Variants in TCF4 observed in about 807,000 individuals in gnomAD.
The protein encoded by TCF4 is transcription factor 4, also known as SL3-3 enhancer factor 2.
Under a neutral mutation model 82.1 loss-of-function variants are expected in TCF4, and 3 were observed. The ratio of observed to expected loss-of-function variants is 0.04; its 90% CI spans 0.02 to 0.09. TCF4 has a LOEUF of 0.09. Among genes scored for constraint, TCF4 ranks in the 10% least tolerant of loss-of-function variants. The pLI is 1.00. For missense variants in TCF4, 518 were observed against 852.7 expected, an observed-to-expected ratio of 0.61 and a Z score of 4.89; for synonymous variants, 276 against 309.6, an observed-to-expected ratio of 0.89 and a Z score of 1.14.
Position 55,289,386 on chromosome 18 carries a change from A to C in TCF4, c.550-9730T>G, listed in dbSNP as rs185661886. Among the ~76,000 whole-genome samples the C allele has an allele frequency of 3.5e-3, 537 of 152,342 alleles. 2 individuals are homozygous for C. The highest frequency in any genetic ancestry group is 0.014 in the Middle Eastern group (4 of 294). On this transcript the variant is annotated intron_variant, in intron 8 of 19. Coordinates refer to ENST00000354452, the MANE Select transcript of TCF4 (RefSeq NM_001083962.2). ...AAATGCATTGATGTGCATGTGAAGAAATTCAAGGTAATGTTAAGGAGAACC... is the reference window on the plus strand; with the variant it reads ...AAATGCATTGATGTGCATGTGAAGACATTCAAGGTAATGTTAAGGAGAACC...
In TCF4 at chr18:55,227,657, T is replaced by C. The variant is rs2046764570; in HGVS notation, c.*378A>G. 1.3e-5 allele frequency: 2 copies of C among 152,356 alleles called. No individual in the cohort carries two copies. The highest frequency in any genetic ancestry group is 2.9e-5 in the Non-Finnish European group (2 of 68,000). The allele number at this position is 152,356 out of a possible 1,614,324, so 9.4% of individuals were successfully genotyped here. A position where few individuals can be genotyped will look rare whatever the true frequency, so the allele number is the denominator to read the frequency against. On this transcript the variant is annotated 3_prime_UTR_variant, in exon 20 of 20. Transcript: ENST00000354452. The stretch of plus-strand genomic sequence containing the variant: ...TTTTTTTAAATTAAATATTTTTTTT[T>C]CAGACTTACAAATTAATTATATTTT...
intron 3 of TCF4, among the ~76,000 whole-genome samples, chr18:55,549,708 C>A (rs970805938): frequency 3.9e-5 from 6 of 152,066 alleles, no homozygotes; most frequent in African/African-American, 1.2e-4. Context: ...GAAGGACCTG[C>A]CTGAGGCTGT....
At chr18:55,292,730 G>A (rs1396123098) in intron 8 of TCF4, among the ~76,000 whole-genome samples, 1 of 151,470 alleles carries the variant, frequency 6.6e-6, no homozygotes, top group Admixed American at 6.6e-5. Context: ...GTATATACAT[G>A]TGCGTAGATA....
intron 2 of TCF4, among the ~76,000 whole-genome samples, chr18:55,612,631 A>G (rs1457202751): frequency 3.3e-5 from 5 of 152,056 alleles, no homozygotes; most frequent in Non-Finnish European, 5.9e-5. Flanking sequence ...TTTAAATTGT[A>G]TACATTTAGG....
chr18:55,528,723 T>A (rs575943928), intron 3 of TCF4, among the ~76,000 whole-genome samples: 2 of 152,356 alleles, frequency 1.3e-5, no homozygotes, highest in African/African-American at 2.4e-5. Context: ...CCAAGGAATT[T>A]ATGTCTCTTC....
chr18:55,322,438 A>AC (rs1568993159), intron 8 of TCF4: 3 of 1,007,762 alleles, frequency 3.0e-6, no homozygotes, highest in East Asian at 7.1e-5. Context: ...AAAAAAAAAA[A>AC]AAAAAAAAAA....
chr18:55,312,205 A>C (rs2072696069), intron 8 of TCF4, among the ~76,000 whole-genome samples: 1 of 152,234 alleles, frequency 6.6e-6, no homozygotes, highest in African/African-American at 2.4e-5. Flanking sequence ...ACTTTGTTAA[A>C]TAGGTAATCT....
At chr18:55,632,835 A>G (rs1448495717) in intron 1 of TCF4, among the ~76,000 whole-genome samples, 1 of 152,222 alleles carries the variant, frequency 6.6e-6, no homozygotes, top group Non-Finnish European at 1.5e-5. Flanking sequence ...TAACTGGGAT[A>G]GGGAATATTG....
chr18:55,391,252 C>T (rs2093062313), intron 6 of TCF4, among the ~76,000 whole-genome samples: 1 of 152,168 alleles, frequency 6.6e-6, no homozygotes, highest in Admixed American at 6.5e-5. Flanking sequence ...CAGGAGTGAA[C>T]CACATCCCAG....
At chr18:55,514,804 ATAT>A (rs2096864969) in intron 3 of TCF4, among the ~76,000 whole-genome samples, 1 of 152,172 alleles carries the variant, frequency 6.6e-6, no homozygotes, top group East Asian at 1.9e-4. Context: ...CAATTGATGT[ATAT>A]TATTTACTCT....
In TCF4 at chr18:55,544,800, A is replaced by G. The variant is rs642063; in HGVS notation, c.145+40480T>C. Among the ~76,000 whole-genome samples the G allele has an allele frequency of 1.5e-3, 234 of 152,216 alleles. 1 individual carries two copies. Among genetic ancestry groups the G allele is most frequent in the African/African-American group, 5.5e-3 (230 of 41,526 alleles). On this transcript the variant is annotated intron_variant, in intron 3 of 19. Coordinates refer to ENST00000354452, the MANE Select transcript of TCF4 (RefSeq NM_001083962.2). ...TTTAAAGAAACCAACATGCACACCTACGAGTTAACTCAAAAGACTGGCGTC... is the reference window on the plus strand; with the variant it reads ...TTTAAAGAAACCAACATGCACACCTGCGAGTTAACTCAAAAGACTGGCGTC...
intron 2 of TCF4, among the ~76,000 whole-genome samples, chr18:55,624,152 G>C (rs1027277666): frequency 1.4e-4 from 22 of 151,950 alleles, no homozygotes; most frequent in Admixed American, 1.3e-4. Flanking sequence ...TTATTTTTGT[G>C]TTTGTTAATG....
intron 11 of TCF4, chr18:55,268,069 C>T (rs2059579446): frequency 6.6e-6 from 1 of 152,120 alleles, no homozygotes; most frequent in Non-Finnish European, 1.5e-5. Flanking sequence ...GATAACCACC[C>T]TATTTCCTGA....
chr18:55,374,933 T>C (rs2090367018), intron 6 of TCF4, among the ~76,000 whole-genome samples: 1 of 140,368 alleles, frequency 7.1e-6, no homozygotes. Flanking sequence ...AAAATTCCCC[T>C]CTTATATAAG....
At chr18:55,431,062 C>T (rs964705940) in intron 5 of TCF4, among the ~76,000 whole-genome samples, 3 of 152,084 alleles carry the variant, frequency 2.0e-5, no homozygotes, top group African/African-American at 7.2e-5. Flanking sequence ...CCAGGAGACA[C>T]AAGTTAGAAG....
At chr18:55,282,167 A>G (rs1445226234) in intron 8 of TCF4, among the ~76,000 whole-genome samples, 2 of 151,964 alleles carry the variant, frequency 1.3e-5, no homozygotes, top group African/African-American at 2.4e-5. Flanking sequence ...TAAGATCTCT[A>G]TATTTTTGTT....
At chr18:55,445,131 T>C (rs943268829) in intron 5 of TCF4, among the ~76,000 whole-genome samples, 4 of 152,182 alleles carry the variant, frequency 2.6e-5, no homozygotes, top group Non-Finnish European at 5.9e-5. Context: ...TCATAAATCA[T>C]ATCATGGTAT....
At chr18:55,282,379 A>T (rs774258051) in intron 8 of TCF4, among the ~76,000 whole-genome samples, 9 of 151,996 alleles carry the variant, frequency 5.9e-5, no homozygotes, top group Non-Finnish European at 1.3e-4. Flanking sequence ...TTATGAAAAC[A>T]CCATGATCAT....
chr18:55,494,808 T>G (rs1477697104), intron 3 of TCF4, among the ~76,000 whole-genome samples: 4 of 152,044 alleles, frequency 2.6e-5, no homozygotes, highest in Admixed American at 6.6e-5. Context: ...TGTAAGAACA[T>G]AAATCTTGAA....
Sources: gnomAD v4.1 joint callset for allele counts (sites outside exome capture counted in the v4.1 genomes callset) on GRCh38, gnomAD v4.1.1 for gene constraint, MANE v1.5 for transcripts, NCBI Gene and HGNC (gene_info 2026-07-23, HGNC 2026-07-21) for gene names.